The following SDK1 variants were observed in gnomAD, a reference collection of about 807,000 sequenced individuals.
SDK1 encodes the protein sidekick cell adhesion molecule 1.
In SDK1, 157 loss-of-function variants were observed where a neutral mutation model predicts 245.5. That is an observed-to-expected ratio of 0.64 (90% CI 0.56 to 0.73). The LOEUF (loss-of-function observed/expected upper bound fraction) is 0.73, where lower values mean the gene tolerates loss of function less well. SDK1 is among the 30% of genes least tolerant of loss of function. The pLI, the probability that SDK1 is intolerant of heterozygous loss-of-function variation, is 0.00. For missense variants in SDK1, 3,583 were observed against 3,002.3 expected (o/e 1.19, Z -4.52); for synonymous variants, 1,647 against 1,278.5 (o/e 1.29, Z -6.15).
At chr7:3,387,173 C>G (rs1781630907) in intron 1 of SDK1, among the ~76,000 whole-genome samples, 1 of 152,172 alleles carries the variant, frequency 6.6e-6, no homozygotes, top group Non-Finnish European at 1.5e-5. Flanking sequence ...AGCTAGACAC[C>G]TTTGTGCAGA....
intron 1 of SDK1, among the ~76,000 whole-genome samples, chr7:3,389,900 A>T (rs1583786064): frequency 6.6e-6 from 1 of 152,280 alleles, no homozygotes; most frequent in South Asian, 2.1e-4. Flanking sequence ...AAAAAACCCC[A>T]GGTTGCCTTG....
chr7:3,386,989 C>G (rs1781624615), intron 1 of SDK1, among the ~76,000 whole-genome samples: 1 of 152,150 alleles, frequency 6.6e-6, no homozygotes, highest in Non-Finnish European at 1.5e-5. Context: ...AGAGCTATGG[C>G]ACATTCATCT....
In SDK1 at chr7:4,231,400, C is replaced by CA. The variant is rs61517219; in HGVS notation, c.5828-1840dup. On this transcript the variant is annotated intron_variant, in intron 40 of 44. Coordinates refer to ENST00000404826, the MANE Select transcript of SDK1 (RefSeq NM_152744.4). The stretch of plus-strand genomic sequence containing the variant: ...GCAACACAGGGAGACCCTGTCACTA[C>CA]AAAAAAAAAAAAAAATTAACAACTT... Among the ~76,000 whole-genome samples, 901 of 128,738 alleles carry CA rather than the reference C, an allele frequency of 7.0e-3. 9 individuals carry two copies. The highest frequency in any genetic ancestry group is 0.019 in the African/African-American group (659 of 34,872). 84.5% of individuals were successfully genotyped at this position (128,738 alleles called of 152,430 possible).
intron 5 of SDK1, among the ~76,000 whole-genome samples, chr7:3,907,248 T>A (rs1001785600): frequency 6.6e-6 from 1 of 152,206 alleles, no homozygotes; most frequent in South Asian, 2.1e-4. Flanking sequence ...AAATGTTTTA[T>A]CACCCAAACA....
intron 4 of SDK1, among the ~76,000 whole-genome samples, chr7:3,713,244 G>T (rs1015992880): frequency 1.3e-5 from 2 of 152,214 alleles, no homozygotes; most frequent in Non-Finnish European, 2.9e-5. Context: ...GGATAAGAAG[G>T]ATAATGATCT....
intron 4 of SDK1, among the ~76,000 whole-genome samples, chr7:3,820,563 G>C (rs1490807965): frequency 6.6e-6 from 1 of 152,200 alleles, no homozygotes; most frequent in African/African-American, 2.4e-5. Context: ...AAGTTCCTTG[G>C]ATGAATGGAA....
intron 40 of SDK1, 25 bp downstream of exon 40, chr7:4,221,389 G>A: frequency 1.3e-6 from 2 of 1,589,048 alleles, no homozygotes; most frequent in Non-Finnish European, 1.7e-6. Context: ...CCCACAAACG[G>A]GGTCTCAGCC....
intron 5 of SDK1, among the ~76,000 whole-genome samples, chr7:3,934,396 T>G (rs1028039693): frequency 2.0e-5 from 3 of 152,258 alleles, no homozygotes; most frequent in Non-Finnish European, 4.4e-5. Context: ...TAGTTACAGA[T>G]ACTGTTTGTG....
chr7:3,566,944 G>A (rs961747828), intron 1 of SDK1, among the ~76,000 whole-genome samples: 1 of 152,172 alleles, frequency 6.6e-6, no homozygotes, highest in African/African-American at 2.4e-5. Context: ...GTGAACATAG[G>A]AATTGTCATG....
chr7:3,596,660 A>G (rs1781077707), intron 1 of SDK1, among the ~76,000 whole-genome samples: 1 of 152,172 alleles, frequency 6.6e-6, no homozygotes, highest in Non-Finnish European at 1.5e-5. Context: ...TCAAATAGAT[A>G]AATATTACCT....
intron 25 of SDK1, among the ~76,000 whole-genome samples, chr7:4,122,580 G>T (rs576393135): frequency 2.6e-5 from 4 of 152,236 alleles, no homozygotes; most frequent in African/African-American, 9.6e-5. Context: ...CAGTTTAACA[G>T]GTTCTGTGAC....
chr7:4,048,681 C>T (rs1019411942), intron 17 of SDK1, among the ~76,000 whole-genome samples: 4 of 152,196 alleles, frequency 2.6e-5, no homozygotes, highest in Non-Finnish European at 5.9e-5. Context: ...CTGCCCTTCA[C>T]GAGTTTGCTG....
intron 1 of SDK1, among the ~76,000 whole-genome samples, chr7:3,538,301 T>C (rs1778951281): frequency 6.6e-6 from 1 of 152,232 alleles, no homozygotes; most frequent in African/African-American, 2.4e-5. Flanking sequence ...CCGCATTTTG[T>C]CTTTTCTTGT....
chr7:3,954,746 T>C (rs1247818625), intron 7 of SDK1, among the ~76,000 whole-genome samples: 1 of 150,046 alleles, frequency 6.7e-6, no homozygotes, highest in South Asian at 2.1e-4. Context: ...AAAATGGAGA[T>C]GGATGTAGAT....
intron 5 of SDK1, among the ~76,000 whole-genome samples, chr7:3,868,662 C>G (rs1447644913): frequency 6.6e-6 from 1 of 152,180 alleles, no homozygotes; most frequent in African/African-American, 2.4e-5. Context: ...CTGATAAAGT[C>G]TAGACTTGCA....
At chr7:3,346,609 C>G (rs1380345457) in intron 1 of SDK1, among the ~76,000 whole-genome samples, 1 of 149,774 alleles carries the variant, frequency 6.7e-6, no homozygotes, top group Non-Finnish European at 1.5e-5. Flanking sequence ...CCAACTCGTG[C>G]TCAGGCAGTC....
intron 4 of SDK1, among the ~76,000 whole-genome samples, chr7:3,680,076 A>T (rs1000661647): frequency 1.3e-5 from 2 of 152,204 alleles, no homozygotes; most frequent in Admixed American, 1.3e-4. Flanking sequence ...GCCGTGGTGC[A>T]TCCGCAGCAT....
intron 4 of SDK1, among the ~76,000 whole-genome samples, chr7:3,797,025 G>A (rs1296288984): frequency 6.8e-6 from 1 of 147,570 alleles, no homozygotes; most frequent in Admixed American, 6.8e-5. Flanking sequence ...TTTCTTTAGA[G>A]ACAGGGTCTT....
intron 13 of SDK1, among the ~76,000 whole-genome samples, chr7:3,979,040 C>T (rs1041115260): frequency 2.0e-5 from 3 of 152,178 alleles, no homozygotes; most frequent in African/African-American, 7.2e-5. Context: ...CACATCACAC[C>T]CACAGCAGTC....
Sources: allele counts gnomAD v4.1 joint callset (sites outside exome capture counted in the v4.1 genomes callset), GRCh38; gene constraint gnomAD v4.1.1; transcripts MANE v1.5; gene names NCBI Gene and HGNC (gene_info 2026-07-23, HGNC 2026-07-21).